RGS3: variants seen among roughly 807,000 people sequenced by gnomAD.
RGS3 encodes regulator of G-protein signalling 3.
Under a neutral mutation model 132.6 loss-of-function variants are expected in RGS3, and 80 were observed. The observed-to-expected ratio is 0.60, with a 90% CI of 0.50 to 0.73. RGS3 has a LOEUF of 0.73. Ranked by LOEUF, RGS3 falls within the 30% of genes least tolerant of loss-of-function variation. RGS3 has a pLI of 0.00. For missense variants in RGS3, 1,382 were observed against 1,530.8 expected, an observed-to-expected ratio of 0.90 and a Z score of 1.62; for synonymous variants, 598 against 620.6, an observed-to-expected ratio of 0.96 and a Z score of 0.54.
intron 3 of RGS3, among the ~76,000 whole-genome samples, chr9:113,467,794 A>G (rs1829696985): frequency 6.6e-6 from 1 of 152,112 alleles, no homozygotes; most frequent in Non-Finnish European, 1.5e-5. Context: ...TTGACCATGC[A>G]GCCTCAACCT....
chr9:113,475,249 T>A (rs1215282771), intron 3 of RGS3, among the ~76,000 whole-genome samples: 1 of 152,106 alleles, frequency 6.6e-6, no homozygotes, highest in East Asian at 1.9e-4. Flanking sequence ...AACTGCGATC[T>A]CATGGGAACA....
In RGS3 at chr9:113,584,219, C is replaced by T. The variant is rs144871904; in HGVS notation, c.2807C>T (p.Ser936Leu). The T allele has an allele frequency of 6.5e-5, 105 of 1,613,778 alleles. No individual in the cohort carries two copies. In the African/African-American group the frequency reaches 9.1e-4, roughly 14 times the overall value. The change falls in exon 20 of 25, where the codon TCG (serine) becomes TTG (leucine). Residue 936 changes from serine to leucine, a missense_variant. Transcript: ENST00000350696. ...GGCCTCTCACTGCGTGTGCAGAACT[C>T]GCTGCGGCGCCGGACGCACAGCGAG...
At chr9:113,515,566 G>A (rs1831614883) in intron 15 of RGS3, among the ~76,000 whole-genome samples, 1 of 151,528 alleles carries the variant, frequency 6.6e-6, no homozygotes. Context: ...GGGGGGTGGA[G>A]GTTGCAGTGA....
At chr9:113,596,050 A>G (rs1835760065) in intron 24 of RGS3, among the ~76,000 whole-genome samples, 1 of 152,248 alleles carries the variant, frequency 6.6e-6, no homozygotes, top group South Asian at 2.1e-4. Context: ...AAACGAAGAG[A>G]CAGGCTGGGC....
intron 19 of RGS3, chr9:113,582,225 G>A: frequency 1.0e-6 from 1 of 985,290 alleles, no homozygotes; most frequent in Non-Finnish European, 1.2e-6. Context: ...GGCTGTCAGG[G>A]CAGCTGTACA....
chr9:113,594,596 GA>G, intron 22 of RGS3, 65 bp downstream of exon 20: 1 of 1,347,378 alleles, frequency 7.4e-7, no homozygotes, highest in South Asian at 1.2e-5. Flanking sequence ...GAGTAGGACT[GA>G]GTGGTAGGGT....
intron 19 of RGS3, among the ~76,000 whole-genome samples, chr9:113,543,400 CAG>C (rs762369346): frequency 3.3e-5 from 5 of 152,228 alleles, no homozygotes; most frequent in Non-Finnish European, 5.9e-5. Flanking sequence ...AACAGTCTAA[CAG>C]GGGATGGGCT....
chr9:113,574,288 A>G (rs955553918), intron 19 of RGS3, among the ~76,000 whole-genome samples: 1 of 152,306 alleles, frequency 6.6e-6, no homozygotes, highest in African/African-American at 2.4e-5. Flanking sequence ...ACTTCCTTGA[A>G]TGTTCCCTGC....
chr9:113,456,369 C>G (rs553062705), upstream of RGS3, among the ~76,000 whole-genome samples: 1 of 152,234 alleles, frequency 6.6e-6, no homozygotes, highest in Non-Finnish European at 1.5e-5. Context: ...TTAGCAGGCT[C>G]ACAGTTGAAC....
intron 9 of RGS3, among the ~76,000 whole-genome samples, 163 bp downstream of exon 7, chr9:113,497,567 G>T (rs1297702478): frequency 6.6e-6 from 1 of 152,162 alleles, no homozygotes; most frequent in African/African-American, 2.4e-5. Context: ...AGTGCAGGCT[G>T]CAGGAAGCCT....
rs1445572805 is a variant in RGS3, at chr9:113,506,213, C to T, written c.980-175C>T. ...GGGAGAAGGGAAGGCAAAGGGATGC[C>T]TTCTTTCAAGGCTCTTGAGAGGCAC... On this transcript the variant is annotated intron_variant, in intron 11 of 24. Coordinates refer to ENST00000350696, the Ensembl canonical transcript of RGS3. This position sits in a 1 kb window ranked among gnomAD's most constrained non-coding sequence, Gnocchi z 4.7. Among the ~76,000 whole-genome samples the T allele has an allele frequency of 6.6e-6, 1 of 151,928 alleles. No homozygotes were observed. Among genetic ancestry groups the T allele is most frequent in the African/African-American group, 2.4e-5 (1 of 41,360 alleles).
chr9:113,560,139 T>C (rs1221791863), intron 19 of RGS3, among the ~76,000 whole-genome samples: 1 of 152,194 alleles, frequency 6.6e-6, no homozygotes, highest in African/African-American at 2.4e-5. Flanking sequence ...ACTGAGCTGA[T>C]TCCTTTAGTG....
chr9:113,563,646 C>A (rs1833879971), intron 19 of RGS3, among the ~76,000 whole-genome samples: 1 of 152,158 alleles, frequency 6.6e-6, no homozygotes, highest in Non-Finnish European at 1.5e-5. Context: ...GGTTCCTAGG[C>A]CCTGCAAGGA....
At chr9:113,483,826 C>T (rs775328512) in intron 5 of RGS3, among the ~76,000 whole-genome samples, 5 of 152,128 alleles carry the variant, frequency 3.3e-5, no homozygotes, top group Non-Finnish European at 5.9e-5. Flanking sequence ...GGAGTCCTTT[C>T]GCTTCTGGGG....
At chr9:113,489,382 A>T (rs1310239151) in intron 7 of RGS3, among the ~76,000 whole-genome samples, 1 of 152,234 alleles carries the variant, frequency 6.6e-6, no homozygotes, top group Non-Finnish European at 1.5e-5. Flanking sequence ...AGGCAAGCTG[A>T]CGCCAAGTCC....
At chr9:113,542,978 G>A (rs1293376275) in intron 19 of RGS3, among the ~76,000 whole-genome samples, 4 of 152,162 alleles carry the variant, frequency 2.6e-5, no homozygotes, top group African/African-American at 9.7e-5. Flanking sequence ...GGGGACAGCC[G>A]TTTGAGCCCA....
intron 14 of RGS3, among the ~76,000 whole-genome samples, chr9:113,509,228 T>C (rs1195300123): frequency 1.3e-5 from 2 of 150,884 alleles, no homozygotes; most frequent in Non-Finnish European, 2.9e-5. Flanking sequence ...GAGGTTGCAA[T>C]GAGCCGAGAT....
intron 3 of RGS3, chr9:113,479,246 C>A: frequency 1.8e-6 from 1 of 553,026 alleles, no homozygotes; most frequent in Non-Finnish European, 3.3e-6. Flanking sequence ...TAGTGAGCTC[C>A]CCATCACCAG....
intron 19 of RGS3, among the ~76,000 whole-genome samples, chr9:113,569,578 T>TTCCTTCCTTCCTTCC: frequency 3.4e-5 from 3 of 88,958 alleles, no homozygotes; most frequent in Admixed American, 1.1e-4. Flanking sequence ...TCTTTCCTTC[T>TTCCTTCCTTCCTTCC]TTCCTTCCTT....
Sources: gnomAD v4.1 joint callset for allele counts (sites outside exome capture counted in the v4.1 genomes callset) on GRCh38, gnomAD v4.1.1 for gene constraint, Gnocchi (gnomAD v3.1) non-coding constraint, MANE v1.5 for transcripts, NCBI Gene and HGNC (gene_info 2026-07-23, HGNC 2026-07-21) for gene names.